The following FANCD2OS variants were observed in gnomAD, a reference collection of about 807,000 sequenced individuals.
FANCD2OS encodes the protein FANCD2 opposite strand protein.
A neutral mutation model predicts 13.2 loss-of-function variants in FANCD2OS; 11 were observed. That is an observed-to-expected ratio of 0.83 (90% CI 0.52 to 1.38). FANCD2OS has a LOEUF of 1.38. Ranked by LOEUF, FANCD2OS falls within the 40% of genes most tolerant of loss-of-function variation. The probability of loss-of-function intolerance (pLI) is 0.00; values close to 1 mark genes in which losing one functional copy is unlikely to be tolerated. For missense variants in FANCD2OS, 217 were observed against 213.9 expected, an observed-to-expected ratio of 1.01 and a Z score of -0.09; for synonymous variants, 69 against 84.5, an observed-to-expected ratio of 0.82 and a Z score of 1.01.
At chr3:10,081,481 T>C in exon 3 of FANCD2OS, 2 of 1,527,424 alleles carry the variant, frequency 1.3e-6, no homozygotes, top group African/African-American at 2.7e-5. Context: ...ATGTGGGAAG[T>C]GTGGAGAGAA....
chr3:10,097,003 G>T (rs1200484648), intron 2 of FANCD2OS, among the ~76,000 whole-genome samples: 1 of 152,126 alleles, frequency 6.6e-6, no homozygotes, highest in Non-Finnish European at 1.5e-5. Flanking sequence ...CTGGGCGTCC[G>T]GGGGAGACAT....
chr3:10,107,220 T>C lies in FANCD2OS; in HGVS notation c.-9+795A>G, dbSNP rs563785882. Among the ~76,000 whole-genome samples the C allele has an allele frequency of 1.5e-4, 23 of 152,258 alleles. No individual in the cohort carries two copies. In the South Asian group the frequency reaches 3.1e-3, roughly 21 times the overall value. ...AGGTGGGCGGAGGGTATGAATGCTG[T>C]CAAGCATATTTTTAATCCCAGAATA... On this transcript the variant is annotated intron_variant, in intron 1 of 1. Transcript: ENST00000450660.
downstream of FANCD2OS, among the ~76,000 whole-genome samples, chr3:10,100,433 G>A (rs1695232882): frequency 6.6e-6 from 1 of 152,164 alleles, no homozygotes; most frequent in African/African-American, 2.4e-5. Flanking sequence ...GCATGCAGTG[G>A]TGCAGTCTCA....
intron 2 of FANCD2OS, among the ~76,000 whole-genome samples, chr3:10,092,807 G>T (rs6807846): frequency 0.23 from 34,468 of 147,810 alleles, 5,027 homozygotes; most frequent in African/African-American, 0.43. Flanking sequence ...TCTTCCCACT[G>T]AAGCCTCTGG....
At chr3:10,089,993 A>T (rs949597641) in intron 2 of FANCD2OS, among the ~76,000 whole-genome samples, 1 of 152,222 alleles carries the variant, frequency 6.6e-6, no homozygotes, top group African/African-American at 2.4e-5. Context: ...TCAAGCTTAC[A>T]CGTGCAATAA....
chr3:10,104,171 A>G lies in FANCD2OS; in HGVS notation c.*70T>C. The G allele has an allele frequency of 7.4e-7, 1 of 1,343,464 alleles. No homozygotes were observed. The highest frequency in any genetic ancestry group is 1.0e-6 in the Non-Finnish European group (1 of 985,282). 83.2% of individuals were successfully genotyped at this position (1,343,464 alleles called of 1,614,324 possible). On this transcript the variant is annotated 3_prime_UTR_variant, in exon 2 of 2. Coordinates refer to ENST00000450660, the MANE Select transcript of FANCD2OS (RefSeq NM_001164839.2). ...ATGTCACAGTTTCATTTACATGGAC[A>G]GGTTTCTGTAAGCTTTAGGTACATA...
intron 2 of FANCD2OS, chr3:10,087,200 C>T (rs1483611289): frequency 2.5e-6 from 4 of 1,613,034 alleles, no homozygotes; most frequent in Non-Finnish European, 3.4e-6. Flanking sequence ...CTCTTTATCT[C>T]ATCAGACTTT....
chr3:10,086,468 T>C lies in FANCD2OS; in HGVS notation c.*44-4937A>G, dbSNP rs139600289. On this transcript the variant is annotated intron_variant, in intron 2 of 2. Coordinates refer to the FANCD2OS transcript ENST00000524279. ...GTCAGCAGTCAGTGCTTATCATCCC[T>C]GTCTATAGGTCAGGACCTTATATCT... is the stretch of plus-strand genomic sequence containing the variant. Among the ~76,000 whole-genome samples, 495 of 152,272 alleles carry C rather than the reference T, an allele frequency of 3.3e-3. 10 individuals carry two copies. The South Asian group carries it at 0.039, about 12-fold the overall frequency.
At chr3:10,087,450 G>T (rs1335796915) in intron 2 of FANCD2OS, among the ~76,000 whole-genome samples, 2 of 151,576 alleles carry the variant, frequency 1.3e-5, no homozygotes, top group Non-Finnish European at 2.9e-5. Context: ...TGCTAAAATT[G>T]CTTAGTCTGA....
chr3:10,096,424 T>A lies in FANCD2OS; in HGVS notation c.*43+7774A>T, dbSNP rs752376206. 4 of 1,614,018 alleles carry A rather than the reference T, an allele frequency of 2.5e-6. No homozygotes were observed. Among genetic ancestry groups the A allele is most frequent in the Non-Finnish European group, 2.5e-6 (3 of 1,180,012 alleles). On this transcript the variant is annotated intron_variant, in intron 2 of 2. Coordinates refer to the FANCD2OS transcript ENST00000524279. ...TCAAAGCTATGCTCACTCTCAACAA[T>A]TGTAGAGAGGCTTTCTGGCTGGGCA...
At chr3:10,097,864 C>A (rs1056648199) in intron 2 of FANCD2OS, among the ~76,000 whole-genome samples, 7 of 152,214 alleles carry the variant, frequency 4.6e-5, no homozygotes, top group Non-Finnish European at 2.9e-5. Context: ...ATTTGGGGAA[C>A]TAATAAATGT....
downstream of FANCD2OS, among the ~76,000 whole-genome samples, chr3:10,102,153 T>G (rs1174540812): frequency 2.0e-5 from 3 of 151,264 alleles, no homozygotes; most frequent in East Asian, 5.8e-4. Context: ...CTTTTTTTTT[T>G]TTTTTTTTGA....
At position 10,104,562 on chromosome 3, in the gene FANCD2OS, C is replaced by T; in HGVS notation, c.213G>A (p.Lys71=). ...GCAACTCTGATGTGTGGCAGGGTAA[C>T]TTGGGACTCACTCCAGATTCCAGGA... is the stretch of plus-strand genomic sequence containing the variant. The part of the protein sequence containing the change: ...SPFLESGVSP[K]LPCHTSELRT... Residue 71 remains lysine (K), a synonymous_variant, in exon 2 of 2, where the codon AAG becomes AAA. Transcript: ENST00000450660. 1 of 1,614,198 alleles carries T rather than the reference C, an allele frequency of 6.2e-7. No homozygotes were observed. Among genetic ancestry groups the T allele is most frequent in the Non-Finnish European group, 8.5e-7 (1 of 1,180,038 alleles).
At chr3:10,084,944 C>G (rs1694089620) in intron 2 of FANCD2OS, among the ~76,000 whole-genome samples, 1 of 139,804 alleles carries the variant, frequency 7.2e-6, no homozygotes, top group Admixed American at 7.1e-5. Context: ...AAAGAACACT[C>G]AAAAGGTGTC....
chr3:10,104,680 G>A lies in FANCD2OS; in HGVS notation c.95C>T (p.Pro32Leu). The A allele has an allele frequency of 6.2e-7, 1 of 1,614,070 alleles. No individual in the cohort carries two copies. Among genetic ancestry groups the A allele is most frequent in the Non-Finnish European group, 8.5e-7 (1 of 1,179,986 alleles). Residue 32 changes from proline to leucine, a missense_variant, in exon 2 of 2, where the codon CCA (proline) becomes CTA (leucine). Physicochemically the swap from Pro to Leu is moderately conservative, Grantham distance 98. Coordinates refer to ENST00000450660, the MANE Select transcript of FANCD2OS (RefSeq NM_001164839.2). ...TGGGAAGCAGGGGGAGGCCTTGAAT[G>A]GGTGCTTGGAGGAAGGTGTAGGTGT... ...HTTPTPSSKH[P>L]FKASPCFPHT... is the part of the protein sequence containing the mutation.
downstream of FANCD2OS, among the ~76,000 whole-genome samples, chr3:10,103,514 G>A (rs1273249639): frequency 6.6e-6 from 1 of 152,182 alleles, no homozygotes; most frequent in African/African-American, 2.4e-5. Context: ...GTTTGAGGCT[G>A]CAGTGAGCCA....
chr3:10,095,111 C>G, intron 2 of FANCD2OS: 2 of 1,131,276 alleles, frequency 1.8e-6, no homozygotes, highest in East Asian at 4.9e-5. Context: ...AGAGTTTATC[C>G]TCTTTGGAGC....
chr3:10,090,345 T>A (rs2125081493), intron 2 of FANCD2OS: 1 of 1,611,506 alleles, frequency 6.2e-7, no homozygotes, highest in Non-Finnish European at 8.5e-7. Context: ...GAGAAGACGG[T>A]GAAAAAAATT....
chr3:10,099,281 GC>G, downstream of FANCD2OS: 1 of 1,267,568 alleles, frequency 7.9e-7, no homozygotes, highest in Non-Finnish European at 1.0e-6. Context: ...AAGTTCTTAC[GC>G]TTTTTTGTGG....
Sources: gnomAD v4.1 joint callset for allele counts (sites outside exome capture counted in the v4.1 genomes callset) on GRCh38, gnomAD v4.1.1 for gene constraint, MANE v1.5 for transcripts, NCBI Gene and HGNC (gene_info 2026-07-23, HGNC 2026-07-21) for gene names.